Variants in GUF1 observed in about 807,000 individuals in gnomAD.
The protein encoded by GUF1 is GTP binding elongation factor GUF1.
A neutral mutation model predicts 82.4 loss-of-function variants in GUF1; 78 were observed. The ratio of observed to expected loss-of-function variants is 0.95; its 90% CI spans 0.79 to 1.14. The LOEUF (loss-of-function observed/expected upper bound fraction) is 1.14. GUF1 is among the 50% of genes most tolerant of loss of function. The pLI, the probability that GUF1 is intolerant of heterozygous loss-of-function variation, is 0.00. For missense variants in GUF1, 814 were observed against 798.2 expected (o/e 1.02, Z -0.24); for synonymous variants, 279 against 282.3 (o/e 0.99, Z 0.12).
chr4:44,690,914 T>G, intron 12 of GUF1, 54 bp downstream of exon 12: 1 of 1,325,380 alleles, frequency 7.5e-7, no homozygotes, highest in Non-Finnish European at 1.0e-6. Context: ...TCTGAAATAG[T>G]GATTTCCAAC....
chr4:44,685,858 T>C (rs1715014081), intron 6 of GUF1, 101 bp from the exon 7 acceptor site: 1 of 704,310 alleles, frequency 1.4e-6, no homozygotes, highest in South Asian at 1.7e-5. Context: ...TGATAACTAT[T>C]GGAATTTTTT....
intron 9 of GUF1, among the ~76,000 whole-genome samples, 157 bp downstream of exon 9, chr4:44,688,303 A>T (rs1491304): frequency 0.54 from 82,392 of 151,684 alleles, 23,390 homozygotes; most frequent in Non-Finnish European, 0.64. Context: ...GTTTATAATT[A>T]CATATGTGTG....
At chr4:44,686,741 A>G (rs376038704) in intron 8 of GUF1, 28 bp downstream of exon 8, 2 of 1,428,102 alleles carry the variant, frequency 1.4e-6, no homozygotes, top group Non-Finnish European at 2.0e-6. Context: ...GTAAAATTAA[A>G]ATGCATTTGT....
intron 1 of GUF1, 101 bp downstream of exon 1, chr4:44,678,888 C>A: frequency 1.6e-6 from 2 of 1,229,976 alleles, no homozygotes; most frequent in South Asian, 1.6e-5. Flanking sequence ...AGCTCTGAAC[C>A]CTGCTTGCAA....
chr4:44,685,854 C>A, intron 6 of GUF1, 105 bp from the exon 7 acceptor site: 1 of 673,022 alleles, frequency 1.5e-6, no homozygotes, highest in Non-Finnish European at 2.6e-6. Flanking sequence ...AAATTGATAA[C>A]TATTGGAATT....
intron 12 of GUF1, among the ~76,000 whole-genome samples, chr4:44,691,280 T>G (rs1183230916): frequency 1.3e-5 from 2 of 151,868 alleles, no homozygotes; most frequent in Middle Eastern, 3.4e-3. Flanking sequence ...TAAAAATACC[T>G]ATGTGAAATA....
intron 14 of GUF1, among the ~76,000 whole-genome samples, chr4:44,694,900 G>A (rs543678592): frequency 6.6e-6 from 1 of 151,952 alleles, no homozygotes; most frequent in African/African-American, 2.4e-5. Context: ...TCCGCCTCCC[G>A]GGTTCAAGCA....
Position 44,698,972 on chromosome 4 carries a change from G to C in GUF1, c.*291G>C. ...ACTACTACCTACATAAGTTGTTGTTGTGAAGATTAAATGAGGTAATACGTT... is the reference window on the plus strand; with the variant it reads ...ACTACTACCTACATAAGTTGTTGTTCTGAAGATTAAATGAGGTAATACGTT... On this transcript the variant is annotated 3_prime_UTR_variant, in exon 17 of 17. Transcript: ENST00000281543. The C allele has an allele frequency of 4.0e-6, 1 of 252,180 alleles. No individual in the cohort carries two copies. Among genetic ancestry groups the C allele is most frequent in the Non-Finnish European group, 7.5e-6 (1 of 132,612 alleles). 15.6% of individuals were successfully genotyped at this position (252,180 alleles called of 1,614,324 possible).
chr4:44,683,182 A>G, intron 5 of GUF1, 53 bp from the exon 6 acceptor site: 6 of 1,121,082 alleles, frequency 5.4e-6, no homozygotes, highest in Admixed American at 2.4e-5. Flanking sequence ...CTGTTAATAC[A>G]TAATACATCT....
intron 16 of GUF1, among the ~76,000 whole-genome samples, 197 bp downstream of exon 16, chr4:44,697,641 A>G (rs1185021697): frequency 6.6e-6 from 1 of 151,972 alleles, no homozygotes; most frequent in Non-Finnish European, 1.5e-5. Context: ...TTTTCATCTT[A>G]TTTATAAAAA....
Position 44,700,128 on chromosome 4 carries a change from G to T in GUF1, c.*1447G>T, listed in dbSNP as rs1305820656. ...TCTTTTAGGGATAAACACTATCAAG[G>T]ATGAATTTTATACTAAGGTTATATG... On this transcript the variant is annotated 3_prime_UTR_variant, in exon 17 of 17. Coordinates refer to ENST00000281543, the MANE Select transcript of GUF1 (RefSeq NM_021927.3). The T allele has an allele frequency of 6.6e-6, 1 of 152,122 alleles. No individual in the cohort carries two copies. The highest frequency in any genetic ancestry group is 2.4e-5 in the African/African-American group (1 of 41,430). The allele number at this position is 152,122 out of a possible 1,614,324, so 9.4% of individuals were successfully genotyped here. A position where few individuals can be genotyped will look rare whatever the true frequency, so the allele number is the denominator to read the frequency against.
chr4:44,694,308 G>T, intron 13 of GUF1, 104 bp from the exon 14 acceptor site: 1 of 701,034 alleles, frequency 1.4e-6, no homozygotes, highest in African/African-American at 1.8e-5. Context: ...TCTCTTTGGG[G>T]AGTGTAATGC....
At chr4:44,690,635 G>A (rs1323051552) in intron 11 of GUF1, 82 bp from the exon 12 acceptor site, 3 of 756,028 alleles carry the variant, frequency 4.0e-6, no homozygotes, top group Non-Finnish European at 6.3e-6. Flanking sequence ...CAGCTGGAGG[G>A]ATTTTAAAAT....
intron 13 of GUF1, among the ~76,000 whole-genome samples, chr4:44,692,751 T>C (rs1715530219): frequency 6.6e-6 from 1 of 152,070 alleles, no homozygotes; most frequent in African/African-American, 2.4e-5. Flanking sequence ...TGTCACCCAG[T>C]TTTTTCTTCT....
chr4:44,697,487 G>T, intron 16 of GUF1, 43 bp downstream of exon 16: 4 of 1,106,732 alleles, frequency 3.6e-6, no homozygotes, highest in South Asian at 1.4e-5. Context: ...AACTTTTATG[G>T]GCTTTAAATC....
intron 8 of GUF1, 131 bp downstream of exon 8, chr4:44,686,844 A>G (rs1200073162): frequency 1.6e-6 from 1 of 635,880 alleles, no homozygotes; most frequent in Non-Finnish European, 2.8e-6. Context: ...GCAACTATAC[A>G]GTAAATGCTC....
At chr4:44,691,401 T>C (rs1395794640) in intron 12 of GUF1, among the ~76,000 whole-genome samples, 1 of 151,810 alleles carries the variant, frequency 6.6e-6, no homozygotes, top group Admixed American at 6.6e-5. Flanking sequence ...TAATTATTTG[T>C]AAAACAAGAA....
Position 44,678,499 on chromosome 4 carries a change from T to G in GUF1, c.-124T>G, listed in dbSNP as rs1191558282. On this transcript the variant is annotated 5_prime_UTR_variant, in exon 1 of 17. Transcript: ENST00000281543. ...GCAGAGCTCCCCGGGGTTCATTGTC[T>G]TCGCTTCACAGGATCTGTTTGAGTC... The G allele has an allele frequency of 3.6e-5, 28 of 788,010 alleles. No individual in the cohort carries two copies. The highest frequency in any genetic ancestry group is 4.9e-5 in the Non-Finnish European group (27 of 556,296). The allele number at this position is 788,010 out of a possible 1,614,324, so 48.8% of individuals were successfully genotyped here. A position where few individuals can be genotyped will look rare whatever the true frequency, so the allele number is the denominator to read the frequency against.
rs202084820 is a variant in GUF1, at chr4:44,688,007, A to G, written c.939A>G (p.Leu313=). The change falls in exon 9 of 17, where the codon TTA becomes TTG. Residue 313 remains leucine (L), a splice_region_variant and synonymous_variant. Coordinates refer to ENST00000281543, the MANE Select transcript of GUF1 (RefSeq NM_021927.3). ...ATTTGCATATAATAATTTTATTTAG[A>G]TATGCAGGACAGGTGGGCTATCTGA... ...LNPNEQPTHK[L]YAGQVGYLIA... is the part of the protein sequence containing the mutation. 6 of 1,608,288 alleles carry G rather than the reference A, an allele frequency of 3.7e-6. No individual in the cohort carries two copies. The highest frequency in any genetic ancestry group is 5.1e-6 in the Non-Finnish European group (6 of 1,177,038).
Sources: allele counts gnomAD v4.1 joint callset (sites outside exome capture counted in the v4.1 genomes callset), GRCh38; gene constraint gnomAD v4.1.1; transcripts MANE v1.5; gene names NCBI Gene and HGNC (gene_info 2026-07-23, HGNC 2026-07-21).